The following CCNJ variants were observed in gnomAD, a reference collection of about 807,000 sequenced individuals.
The protein encoded by CCNJ is cyclin-J.
In CCNJ, 12 loss-of-function variants were observed where a neutral mutation model predicts 41.4. The observed-to-expected ratio is 0.29, with a 90% CI of 0.19 to 0.47. CCNJ has a LOEUF of 0.47. CCNJ is among the 20% of genes least tolerant of loss of function. The pLI is 1.00. For synonymous variants in CCNJ, 161 were observed against 173.4 expected (o/e 0.93, Z 0.56); for missense variants, 340 against 464.6 (o/e 0.73, Z 2.47).
upstream of CCNJ, among the ~76,000 whole-genome samples, chr10:96,043,140 A>T (rs1376845669): frequency 6.6e-6 from 1 of 152,234 alleles, no homozygotes; most frequent in Non-Finnish European, 1.5e-5. Context: ...GAAGTAAGGT[A>T]AACCGAATCC....
rs575788293 is a variant in CCNJ at position 96,059,150 on chromosome 10, C to T, written c.*909C>T. On this transcript the variant is annotated 3_prime_UTR_variant, in exon 6 of 6. Transcript: ENST00000465148. ...ATACATATGTAGGTTTTGCATATCT[C>T]AGTGCAATCCATGATTTATACTCAG... 1 of 152,618 alleles carries T rather than the reference C, an allele frequency of 6.6e-6. No homozygotes were observed. Among genetic ancestry groups the T allele is most frequent in the Non-Finnish European group, 1.5e-5 (1 of 68,042 alleles). The allele number at this position is 152,618 out of a possible 1,614,324, so 9.5% of individuals were successfully genotyped here.
chr10:96,050,408 C>A lies in CCNJ; in HGVS notation c.222C>A (p.Arg74=). The change falls in exon 3 of 6, where the codon CGC becomes CGA. Residue 74 remains arginine (R), a synonymous_variant. Coordinates refer to ENST00000465148, the MANE Select transcript of CCNJ (RefSeq NM_001134375.2). ...ATTTACTGGACCTGTTTATGGACCGCTATGACATCTCTATCCAGCAGCTGC... is the reference window on the plus strand; with the variant it reads ...ATTTACTGGACCTGTTTATGGACCGATATGACATCTCTATCCAGCAGCTGC... ...AVYLLDLFMD[R]YDISIQQLHL... is the part of the protein sequence containing the mutation. The A allele has an allele frequency of 6.2e-7, 1 of 1,614,140 alleles. No individual in the cohort carries two copies. The highest frequency in any genetic ancestry group is 8.5e-7 in the Non-Finnish European group (1 of 1,180,010).
chr10:96,053,206 C>CTATGTGTAGCTCTGATTGGAGAGT (rs1215676499), intron 3 of CCNJ, among the ~76,000 whole-genome samples: 5 of 152,190 alleles, frequency 3.3e-5, no homozygotes, highest in African/African-American at 1.2e-4. Context: ...GATTGGAGAG[C>CTATGTGTAGCTCTGATTGGAGAGT]TATGTGTAGT....
At chr10:96,053,275 G>T (rs1474337987) in intron 3 of CCNJ, among the ~76,000 whole-genome samples, 1 of 152,116 alleles carries the variant, frequency 6.6e-6, no homozygotes, top group Non-Finnish European at 1.5e-5. Context: ...TCAGCAATAT[G>T]AATTTCAACA....
At chr10:96,051,476 A>G (rs1469854209) in intron 3 of CCNJ, among the ~76,000 whole-genome samples, 1 of 152,202 alleles carries the variant, frequency 6.6e-6, no homozygotes, top group Non-Finnish European at 1.5e-5. Context: ...CTTGAGGGAT[A>G]AAGATTGTAT....
In CCNJ at chr10:96,044,424, C is replaced by T; in HGVS notation, c.31C>T (p.Gln11Ter). The T allele has an allele frequency of 1.3e-6, 2 of 1,563,162 alleles. No individual in the cohort carries two copies. The highest frequency in any genetic ancestry group is 1.7e-6 in the Non-Finnish European group (2 of 1,150,214). The change falls in exon 2 of 6, where the codon CAG (glutamine) becomes TAG (stop). Residue 11 changes from glutamine to a stop codon, truncating the protein, a stop_gained. Transcript: ENST00000465148. LOFTEE classifies it high-confidence loss of function. ...GCTGGAGGGGCAGTGGTGGCGAGGA[C>T]AGCTGGCCGCCGATATTCACCAAGC... MELEGQWWRG[Q>*]LAADIHQALR...
intron 3 of CCNJ, among the ~76,000 whole-genome samples, chr10:96,054,659 T>C (rs538920300): frequency 8.5e-5 from 13 of 152,332 alleles, no homozygotes; most frequent in African/African-American, 2.9e-4. Flanking sequence ...AATTTTCCTT[T>C]TGGCTTCCAT....
At chr10:96,043,296 T>C, upstream of CCNJ, 1 of 287,646 alleles carries the variant, frequency 3.5e-6, no homozygotes, top group Non-Finnish European at 6.4e-6. Flanking sequence ...TCCGGCGCTC[T>C]CTGCCGACCT....
chr10:96,053,191 T>TCTCTGATTGGAGAGCTATGTATAG (rs1554859755), intron 3 of CCNJ, among the ~76,000 whole-genome samples: 2 of 151,048 alleles, frequency 1.3e-5, no homozygotes, highest in Non-Finnish European at 3.0e-5. Context: ...CTACAGATTA[T>TCTCTGATTGGAGAGCTATGTATAG]CTCTGATTGG....
chr10:96,058,086 C>T lies in CCNJ; in HGVS notation c.997C>T (p.Gln333Ter). The T allele has an allele frequency of 6.2e-7, 1 of 1,614,182 alleles. No individual in the cohort carries two copies. The part of the protein sequence containing the change: ...YTLQTCPAGF[Q>*]TSVQGLGHMQ... ...ACTACAGACATGTCCTGCTGGCTTCCAAACTAGTGTTCAGGGCCTTGGGCA... is the reference window on the plus strand; with the variant it reads ...ACTACAGACATGTCCTGCTGGCTTCTAAACTAGTGTTCAGGGCCTTGGGCA... Residue 333 changes from glutamine (Q) to a stop codon, truncating the protein, a stop_gained, in exon 6 of 6, where the codon CAA becomes TAA. Transcript: ENST00000465148. LOFTEE classifies it high-confidence loss of function.
chr10:96,047,144 T>A (rs764449558), intron 2 of CCNJ, among the ~76,000 whole-genome samples: 1 of 152,188 alleles, frequency 6.6e-6, no homozygotes, highest in African/African-American at 2.4e-5. Context: ...CTGCTAGAGA[T>A]AGGCTTGAGA....
chr10:96,044,407 G>A lies in CCNJ; in HGVS notation c.14G>A (p.Gly5Glu), dbSNP rs746944689. 4.5e-6 allele frequency: 7 copies of A among 1,565,010 alleles called. No individual in the cohort carries two copies. The highest frequency in any genetic ancestry group is 2.4e-5 in the East Asian group (1 of 41,530). The part of the protein sequence containing the change: MELE[G>E]QWWRGQLAAD... ...CCGCCGGGTCCCATGGAGCTGGAGG[G>A]GCAGTGGTGGCGAGGACAGCTGGCC... The change falls in exon 2 of 6, where the codon GGG (glycine) becomes GAG (glutamate). Residue 5 changes from glycine (G) to glutamate (E), a missense_variant. By Grantham distance (98) the Gly-to-Glu change is moderately conservative. Transcript: ENST00000465148.
intron 3 of CCNJ, among the ~76,000 whole-genome samples, chr10:96,053,432 A>C (rs940393911): frequency 5.9e-5 from 9 of 152,224 alleles, no homozygotes; most frequent in African/African-American, 2.2e-4. Context: ...TAATTCCTCC[A>C]TAAGTTGCTC....
intron 5 of CCNJ, 124 bp downstream of exon 5, chr10:96,057,371 CT>C: frequency 5.1e-6 from 4 of 786,858 alleles, no homozygotes; most frequent in Non-Finnish European, 8.4e-6. Flanking sequence ...GCAGCAGTTA[CT>C]TGCTGCCATG....
intron 5 of CCNJ, 136 bp downstream of exon 5, chr10:96,057,383 A>G (rs1163605326): frequency 1.4e-6 from 1 of 716,598 alleles, no homozygotes; most frequent in Non-Finnish European, 2.4e-6. Context: ...TGCTGCCATG[A>G]GCAAGCCCAT....
At chr10:96,053,089 G>A (rs1303224944) in intron 3 of CCNJ, among the ~76,000 whole-genome samples, 2 of 151,310 alleles carry the variant, frequency 1.3e-5, no homozygotes, top group African/African-American at 4.9e-5. Flanking sequence ...CATTGTAATG[G>A]GAAGCCGTAG....
In CCNJ at chr10:96,056,921, C is replaced by G; in HGVS notation, c.501C>G (p.Gly167=). Residue 167 remains glycine, a synonymous_variant, in exon 4 of 6, where the codon GGC becomes GGG. Transcript: ENST00000465148. ...EAVHETDLHD[G]WPMICLEKTK... is the part of the protein sequence containing the mutation. ...TACACGAAACAGATCTTCATGACGG[C>G]TGGCCAATGATTTGCTTGGAAAAGA... The G allele has an allele frequency of 6.2e-7, 1 of 1,614,152 alleles. No individual in the cohort carries two copies. The highest frequency in any genetic ancestry group is 8.5e-7 in the Non-Finnish European group (1 of 1,180,008).
intron 2 of CCNJ, among the ~76,000 whole-genome samples, chr10:96,046,380 CTGTT>C (rs1322602575): frequency 6.6e-6 from 1 of 152,210 alleles, no homozygotes; most frequent in Non-Finnish European, 1.5e-5. Context: ...GGAGAGACCA[CTGTT>C]TGTAATACAC....
At position 96,057,810 on chromosome 10, in the gene CCNJ, C is replaced by G; in HGVS notation, c.741-20C>G. 6.2e-7 allele frequency: 1 copy of G among 1,601,288 alleles called. No homozygotes were observed. Among genetic ancestry groups the G allele is most frequent in the South Asian group, 1.1e-5 (1 of 89,534 alleles). ...TCTCAAGCAGTATTTTTAATAGTTTCCTTTCTCTCCACGTTTCAGCGCTCA... is the reference window on the plus strand; with the variant it reads ...TCTCAAGCAGTATTTTTAATAGTTTGCTTTCTCTCCACGTTTCAGCGCTCA... On this transcript the variant is annotated intron_variant, in intron 5 of 5. Transcript: ENST00000465148.
Sources: gnomAD v4.1 joint callset for allele counts (sites outside exome capture counted in the v4.1 genomes callset) on GRCh38, gnomAD v4.1.1 for gene constraint, MANE v1.5 for transcripts, NCBI Gene and HGNC (gene_info 2026-07-23, HGNC 2026-07-21) for gene names.